The following DAB2IP variants were observed in gnomAD, a reference collection of about 807,000 sequenced individuals.
The protein encoded by DAB2IP is disabled homolog 2-interacting protein.
DAB2IP carries 28 observed loss-of-function variants against 107.2 expected under a neutral mutation model. That is an observed-to-expected ratio of 0.26 (90% CI 0.19 to 0.36). DAB2IP has a LOEUF of 0.36. DAB2IP is among the 10% of genes least tolerant of loss of function. The pLI, the probability that DAB2IP is intolerant of heterozygous loss-of-function variation, is 1.00. For synonymous variants in DAB2IP, 755 were observed against 706.4 expected (o/e 1.07, Z -1.09); for missense variants, 1,400 against 1,644.7 (o/e 0.85, Z 2.57).
At chr9:121,594,230 G>A (rs1318880972) in intron 1 of DAB2IP, among the ~76,000 whole-genome samples, 4 of 150,668 alleles carry the variant, frequency 2.7e-5, no homozygotes, top group African/African-American at 7.3e-5. Context: ...GGATATGAAT[G>A]CAGCATTTTT....
At position 121,662,128 on chromosome 9, in the gene DAB2IP, CTTCTT is replaced by C. The variant is rs1437221699; in HGVS notation, c.124+10236_124+10240del. Among the ~76,000 whole-genome samples the C allele has an allele frequency of 6.6e-6, 1 of 152,212 alleles. No homozygotes were observed. Among genetic ancestry groups the C allele is most frequent in the African/African-American group, 2.4e-5 (1 of 41,438 alleles). On this transcript the variant is annotated intron_variant, in intron 1 of 15. Transcript: ENST00000408936. The surrounding 1 kb of genome is among the most constrained non-coding windows in gnomAD (Gnocchi z 4.6). ...TGGGGGGTTATTTCCAGCCCTTCCC[CTTCTT>C]TTCTTTAAGTTTTTGAAAATTCTAA... is the stretch of plus-strand genomic sequence containing the variant.
chr9:121,619,306 C>A (rs1306984906), intron 1 of DAB2IP, among the ~76,000 whole-genome samples: 1 of 152,176 alleles, frequency 6.6e-6, no homozygotes, highest in Admixed American at 6.5e-5. Context: ...GCCACCACAT[C>A]CCGCTAATTT....
chr9:121,773,447 C>T lies in DAB2IP; in HGVS notation c.2919C>T (p.Ser973=), dbSNP rs773142561. The T allele has an allele frequency of 1.9e-6, 3 of 1,540,966 alleles. No homozygotes were observed. In the Admixed American group the frequency reaches 6.1e-5, roughly 31 times the overall value. ...CCCGCCTGAGGCAGCAGTCCTCTTC[C>T]TCCAAGGGGGACAGCCCAGAACTGA... Residue 973 remains serine, a synonymous_variant, in exon 12 of 16, where the codon TCC becomes TCT. Coordinates refer to ENST00000408936, the Ensembl canonical transcript of DAB2IP.
At chr9:121,588,436 G>C (rs1418416530) in intron 1 of DAB2IP, among the ~76,000 whole-genome samples, 1 of 151,760 alleles carries the variant, frequency 6.6e-6, no homozygotes, top group African/African-American at 2.4e-5. Flanking sequence ...CATCCCAACT[G>C]GGGTTCCCCA....
At chr9:121,692,121 G>T (rs376886702) in intron 2 of DAB2IP, among the ~76,000 whole-genome samples, 3 of 152,206 alleles carry the variant, frequency 2.0e-5, no homozygotes, top group African/African-American at 7.2e-5. Flanking sequence ...TTCCTGTCCT[G>T]GTTGTGAATG....
intron 9 of DAB2IP, among the ~76,000 whole-genome samples, chr9:121,767,116 C>T (rs1402908883): frequency 6.6e-6 from 1 of 152,160 alleles, no homozygotes; most frequent in African/African-American, 2.4e-5. Context: ...AATCCATTCC[C>T]TGTGCTTGGG....
chr9:121,596,150 G>C (rs879836678), intron 1 of DAB2IP, among the ~76,000 whole-genome samples: 4 of 152,122 alleles, frequency 2.6e-5, no homozygotes, highest in Non-Finnish European at 4.4e-5. Context: ...GAGAAACCCT[G>C]TCTCTATTAA....
At chr9:121,765,494 G>C (rs1203511814) in intron 8 of DAB2IP, among the ~76,000 whole-genome samples, 1 of 152,230 alleles carries the variant, frequency 6.6e-6, no homozygotes, top group Non-Finnish European at 1.5e-5. Context: ...GCCTGTGGGG[G>C]AAGAAATTTC....
intron 1 of DAB2IP, among the ~76,000 whole-genome samples, chr9:121,578,582 G>A (rs560129708): frequency 2.0e-5 from 3 of 151,878 alleles, no homozygotes; most frequent in Admixed American, 1.3e-4. Context: ...TTGGTCCCTG[G>A]GCTCTGCACC....
chr9:121,656,004 G>A (rs1385342605), intron 1 of DAB2IP, among the ~76,000 whole-genome samples: 4 of 151,738 alleles, frequency 2.6e-5, no homozygotes, highest in African/African-American at 9.7e-5. Flanking sequence ...CTTCTCAGGG[G>A]ACCCTGGCTT....
chr9:121,770,452 TC>T (rs1834632781), intron 10 of DAB2IP, 93 bp from the exon 11 acceptor site: 1 of 1,409,048 alleles, frequency 7.1e-7, no homozygotes, highest in Non-Finnish European at 9.7e-7. Flanking sequence ...TCTGACAGGC[TC>T]CGCAGTGGTT....
intron 3 of DAB2IP, among the ~76,000 whole-genome samples, chr9:121,743,651 C>T (rs921560532): frequency 7.2e-5 from 11 of 152,194 alleles, no homozygotes; most frequent in African/African-American, 1.9e-4. Context: ...CCAGGAGCAG[C>T]GGACAGCAGG....
At position 121,782,987 on chromosome 9, in the gene DAB2IP, G is replaced by A; in HGVS notation, c.*489G>A. On this transcript the variant is annotated 3_prime_UTR_variant, in exon 16 of 16. Coordinates refer to ENST00000408936, the Ensembl canonical transcript of DAB2IP. The surrounding 1 kb of genome is among the most constrained non-coding windows in gnomAD (Gnocchi z 6.1). The stretch of plus-strand genomic sequence containing the variant: ...CCCTGTCATGTGGGACCTGGCACTT[G>A]GCAGATCAGTTGGCAGGCAGGAAGA... 2.9e-6 allele frequency: 3 copies of A among 1,021,600 alleles called. No homozygotes were observed. Among genetic ancestry groups the A allele is most frequent in the Non-Finnish European group, 3.5e-6 (3 of 851,448 alleles). The allele number at this position is 1,021,600 out of a possible 1,614,324, so 63.3% of individuals were successfully genotyped here.
At chr9:121,756,948 G>T in intron 3 of DAB2IP, 65 bp from the exon 4 acceptor site, 1 of 1,608,422 alleles carries the variant, frequency 6.2e-7, no homozygotes, top group South Asian at 1.1e-5. Flanking sequence ...GCAGATGGGT[G>T]GGACATGGCA....
At chr9:121,569,762 AG>A (rs1829890678) in intron 1 of DAB2IP, among the ~76,000 whole-genome samples, 1 of 152,376 alleles carries the variant, frequency 6.6e-6, no homozygotes, top group East Asian at 1.9e-4. Flanking sequence ...CAAAAGCTAC[AG>A]TGAGCCAAGA....
intron 3 of DAB2IP, among the ~76,000 whole-genome samples, chr9:121,709,720 A>C (rs1446558472): frequency 6.6e-6 from 1 of 152,154 alleles, no homozygotes; most frequent in Non-Finnish European, 1.5e-5. Context: ...CTTAAGAAGC[A>C]CCCGTGTGGC....
chr9:121,716,012 G>C (rs1313526967), intron 3 of DAB2IP, among the ~76,000 whole-genome samples: 4 of 152,216 alleles, frequency 2.6e-5, no homozygotes, highest in African/African-American at 9.6e-5. Flanking sequence ...GCATCATAGT[G>C]CCATGAGAAC....
intron 3 of DAB2IP, among the ~76,000 whole-genome samples, chr9:121,744,874 C>T (rs1296137484): frequency 7.9e-5 from 12 of 152,202 alleles, no homozygotes; most frequent in South Asian, 2.1e-4. Context: ...TTGAGCCAGG[C>T]GTAGACGGAT....
chr9:121,678,658 C>G lies in DAB2IP; in HGVS notation c.125-20C>G. ...CCTTGGCTGTTCTTGTTCAACCTCT[C>G]TCTCCTCCTCTGTTGGCAGAGTCGC... On this transcript the variant is annotated intron_variant, in intron 1 of 15. Transcript: ENST00000408936. 6.7e-7 allele frequency: 1 copy of G among 1,501,266 alleles called. No individual in the cohort carries two copies. The highest frequency in any genetic ancestry group is 1.3e-5 in the South Asian group (1 of 78,152). The allele number at this position is 1,501,266 out of a possible 1,614,324, so 93.0% of individuals were successfully genotyped here.
Sources: allele counts gnomAD v4.1 joint callset (sites outside exome capture counted in the v4.1 genomes callset), GRCh38; gene constraint gnomAD v4.1.1; non-coding constraint Gnocchi (gnomAD v3.1); transcripts MANE v1.5; gene names NCBI Gene and HGNC (gene_info 2026-07-23, HGNC 2026-07-21).